Variants in PUDP observed in about 807,000 individuals in gnomAD.
PUDP encodes the protein pseudouridine 5'-phosphatase.
Under a neutral mutation model 9.4 loss-of-function variants are expected in PUDP, and 8 were observed. That is an observed-to-expected ratio of 0.85 (90% CI 0.50 to 1.53). The LOEUF is 1.53. Ranked by LOEUF, PUDP falls within the 40% of genes most tolerant of loss-of-function variation. The pLI, the probability that PUDP is intolerant of heterozygous loss-of-function variation, is 0.00. For missense variants in PUDP, 188 were observed against 189.7 expected, an observed-to-expected ratio of 0.99 and a Z score of 0.05; for synonymous variants, 99 against 80.7, an observed-to-expected ratio of 1.23 and a Z score of -1.22.
At chrX:6,712,518 GTCGGGC>G (rs1244743965) in intron 1 of PUDP, among the ~76,000 whole-genome samples, 5 of 112,098 alleles carry the variant, frequency 4.5e-5, no homozygotes, top group Admixed American at 1.9e-4. Context: ...AGAGCTTAAA[GTCGGGC>G]AATGATAAGG....
chrX:6,860,673 T>C (rs1486350688), intron 3 of PUDP, among the ~76,000 whole-genome samples: 2 of 110,676 alleles, frequency 1.8e-5, no homozygotes, highest in Non-Finnish European at 3.8e-5. Flanking sequence ...GGTTTCAGCA[T>C]GTGGGCCAAG....
intron 1 of PUDP, among the ~76,000 whole-genome samples, chrX:7,036,728 C>G (rs1929857922): frequency 9.0e-6 from 1 of 111,338 alleles, no homozygotes; most frequent in Non-Finnish European, 1.9e-5. Context: ...TTCTGAGGCT[C>G]TGCCTATTCC....
chrX:7,001,296 A>G (rs999018240), intron 1 of PUDP, among the ~76,000 whole-genome samples: 2 of 111,536 alleles, frequency 1.8e-5, no homozygotes, highest in African/African-American at 6.5e-5. Context: ...TAACAAAGTA[A>G]AAATAAGTGA....
intron 3 of PUDP, among the ~76,000 whole-genome samples, chrX:6,845,409 G>A (rs967404370): frequency 8.9e-6 from 1 of 112,130 alleles, no homozygotes; most frequent in African/African-American, 3.2e-5. Flanking sequence ...CCAATAACAA[G>A]CTCTTTTTTT....
At chrX:6,735,103 G>T (rs1924856414) in intron 3 of PUDP, among the ~76,000 whole-genome samples, 1 of 112,035 alleles carries the variant, frequency 8.9e-6, no homozygotes, top group South Asian at 3.7e-4. Context: ...TTTGCTATGT[G>T]AGCCAGTGAT....
At chrX:7,147,096 C>G (rs72609592) in intron 1 of PUDP, among the ~76,000 whole-genome samples, 1 of 111,176 alleles carries the variant, frequency 9.0e-6, no homozygotes, top group East Asian at 2.8e-4. Context: ...ACTTGAATTC[C>G]TCTTGGCTGG....
At chrX:7,008,674 A>G (rs1483012996) in intron 1 of PUDP, among the ~76,000 whole-genome samples, 1 of 112,297 alleles carries the variant, frequency 8.9e-6, no homozygotes, top group Non-Finnish European at 1.9e-5. Flanking sequence ...TCTCTTTACC[A>G]TAACCCATGC....
chrX:6,912,086 C>T (rs6529999), intron 3 of PUDP, among the ~76,000 whole-genome samples: 29,617 of 110,678 alleles, frequency 0.27, 2,971 homozygotes, highest in Admixed American at 0.39. Flanking sequence ...GACAAAGCTT[C>T]TTAATTGTTT....
intron 3 of PUDP, among the ~76,000 whole-genome samples, chrX:6,758,657 G>C (rs1408149230): frequency 9.0e-6 from 1 of 111,119 alleles, no homozygotes; most frequent in Non-Finnish European, 1.9e-5. Flanking sequence ...ACAGAAAAGG[G>C]AGACTTACAG....
intron 1 of PUDP, among the ~76,000 whole-genome samples, chrX:7,111,647 G>C (rs952038232): frequency 2.7e-5 from 3 of 111,275 alleles, no homozygotes; most frequent in African/African-American, 9.8e-5. Flanking sequence ...GCAGCCTTGG[G>C]TAAAGCACCT....
intron 2 of PUDP, among the ~76,000 whole-genome samples, chrX:6,977,511 A>G (rs1411087737): frequency 8.9e-6 from 1 of 112,267 alleles, no homozygotes; most frequent in African/African-American, 3.2e-5. Flanking sequence ...GTATTTTTGC[A>G]CCCATGGAAC....
chrX:6,873,013 G>A (rs886169530), intron 3 of PUDP, among the ~76,000 whole-genome samples: 1 of 109,399 alleles, frequency 9.1e-6, no homozygotes, highest in Non-Finnish European at 1.9e-5. Context: ...AACATCAGGT[G>A]GGAACAAACA....
chrX:7,022,013 T>C (rs1929640369), intron 1 of PUDP, among the ~76,000 whole-genome samples: 3 of 112,101 alleles, frequency 2.7e-5, no homozygotes, highest in African/African-American at 9.7e-5. Flanking sequence ...TTTATCAGTA[T>C]CATTCAAACC....
chrX:6,728,222 G>GC (rs1373457709), intron 3 of PUDP, among the ~76,000 whole-genome samples: 2 of 110,613 alleles, frequency 1.8e-5, no homozygotes, highest in Non-Finnish European at 3.8e-5. Flanking sequence ...GGAGGAAACC[G>GC]CCCCCCATGA....
At chrX:6,939,795 G>A (rs1419164959) in intron 3 of PUDP, among the ~76,000 whole-genome samples, 1 of 107,596 alleles carries the variant, frequency 9.3e-6, no homozygotes, top group Non-Finnish European at 1.9e-5. Flanking sequence ...TCAAGCCCAG[G>A]AGGGTCAAGG....
intron 1 of PUDP, among the ~76,000 whole-genome samples, chrX:7,016,020 A>G (rs181786247): frequency 8.2e-5 from 9 of 109,896 alleles, no homozygotes; most frequent in African/African-American, 3.0e-4. Context: ...CTAGTTTCTA[A>G]GGTGCCTCCA....
At chrX:6,902,446 G>A (rs1335277691) in intron 3 of PUDP, among the ~76,000 whole-genome samples, 2 of 111,974 alleles carry the variant, frequency 1.8e-5, no homozygotes, top group Non-Finnish European at 3.8e-5. Flanking sequence ...AACCAAATGC[G>A]TGTCCAATTG....
intron 3 of PUDP, among the ~76,000 whole-genome samples, chrX:7,064,555 G>A (rs964421914): frequency 7.2e-5 from 8 of 111,181 alleles, no homozygotes; most frequent in Admixed American, 5.7e-4. Flanking sequence ...ATGTGCTTCC[G>A]TAACCAGCTG....
intron 3 of PUDP, among the ~76,000 whole-genome samples, chrX:6,834,964 G>A (rs895507311): frequency 9.0e-6 from 1 of 111,117 alleles, no homozygotes; most frequent in African/African-American, 3.3e-5. Flanking sequence ...CATGCTTTTC[G>A]GGGGACGCAT....
Sources: gnomAD v4.1 joint callset for allele counts (sites outside exome capture counted in the v4.1 genomes callset) on GRCh38, gnomAD v4.1.1 for gene constraint, MANE v1.5 for transcripts, NCBI Gene and HGNC (gene_info 2026-07-23, HGNC 2026-07-21) for gene names.